PSMD2: variants seen among roughly 807,000 people sequenced by gnomAD.
The protein encoded by PSMD2 is 26S proteasome non-ATPase regulatory subunit 2.
In PSMD2, 8 loss-of-function variants were observed where a neutral mutation model predicts 101.5. The ratio of observed to expected loss-of-function variants is 0.08; its 90% CI spans 0.05 to 0.14. PSMD2 has a LOEUF of 0.14. Among genes scored for constraint, PSMD2 ranks in the 10% least tolerant of loss-of-function variants. PSMD2 has a pLI of 1.00. For synonymous variants in PSMD2, 418 were observed against 433.8 expected, an observed-to-expected ratio of 0.96 and a Z score of 0.45; for missense variants, 784 against 1,147.4, an observed-to-expected ratio of 0.68 and a Z score of 4.58.
chr3:184,300,311 T>G lies in PSMD2; in HGVS notation c.224T>G (p.Leu75Arg), dbSNP rs1387166632. Residue 75 changes from leucine to arginine, a missense_variant, in exon 3 of 21, where the codon CTG (leucine) becomes CGG (arginine). By Grantham distance (102) the Leu-to-Arg change is moderately radical (BLOSUM62 -2). Coordinates refer to ENST00000310118, the MANE Select transcript of PSMD2 (RefSeq NM_002808.5). Reference sequence around the variant, plus strand: ...GATACATCCCTGTATCGACCAGCGCTGGAGGAATTGCGAAGGCAGATTCGT... The same window carrying G: ...GATACATCCCTGTATCGACCAGCGCGGGAGGAATTGCGAAGGCAGATTCGT... ...EKDTSLYRPA[L>R]EELRRQIRSS... 1 of 1,614,000 alleles carries G rather than the reference T, an allele frequency of 6.2e-7. No homozygotes were observed. Among genetic ancestry groups the G allele is most frequent in the Non-Finnish European group, 8.5e-7 (1 of 1,179,868 alleles).
At position 184,305,782 on chromosome 3, in the gene PSMD2, A is replaced by T; in HGVS notation, c.1554A>T (p.Thr518=). The change falls in exon 13 of 21, where the codon ACA becomes ACT. Residue 518 remains threonine (T), a synonymous_variant. Transcript: ENST00000310118. Reference sequence around the variant, plus strand: ...CCTACCTCTAGGTGGCAGGTGTCACAGCTTTAGCCTGTGGAATGATAGCAG... The same window carrying T: ...CCTACCTCTAGGTGGCAGGTGTCACTGCTTTAGCCTGTGGAATGATAGCAG... The part of the protein sequence containing the change: ...SKSSMEVAGV[T]ALACGMIAVG... The T allele has an allele frequency of 6.2e-7, 1 of 1,613,688 alleles. No homozygotes were observed. Among genetic ancestry groups the T allele is most frequent in the African/African-American group, 1.3e-5 (1 of 75,048 alleles).
In PSMD2 at chr3:184,309,029, CAATAAA is replaced by C. The variant is rs1560197990; in HGVS notation, c.*140_*145del. On this transcript the variant is annotated 3_prime_UTR_variant, in exon 21 of 21. Coordinates refer to ENST00000310118, the MANE Select transcript of PSMD2 (RefSeq NM_002808.5). ...TGTTACTGAGTGAGATAAGGTTGTT[CAATAAA>C]GACTTTTATCCCCAAGGTCTCTCTG... The C allele has an allele frequency of 2.2e-6, 2 of 906,300 alleles. No individual in the cohort carries two copies. The highest frequency in any genetic ancestry group is 3.3e-6 in the Non-Finnish European group (2 of 598,822). The allele number at this position is 906,300 out of a possible 1,614,324, so 56.1% of individuals were successfully genotyped here. A position where few individuals can be genotyped will look rare whatever the true frequency, so the allele number is the denominator to read the frequency against.
At position 184,304,291 on chromosome 3, in the gene PSMD2, A is replaced by C; in HGVS notation, c.1452-13A>C. 1 of 1,613,894 alleles carries C rather than the reference A, an allele frequency of 6.2e-7. No individual in the cohort carries two copies. The highest frequency in any genetic ancestry group is 8.5e-7 in the Non-Finnish European group (1 of 1,179,806). On this transcript the variant is annotated splice_polypyrimidine_tract_variant and intron_variant, in intron 11 of 20. Coordinates refer to ENST00000310118, the MANE Select transcript of PSMD2 (RefSeq NM_002808.5). This position sits in a 1 kb window ranked among gnomAD's most constrained non-coding sequence, Gnocchi z 4.1. ...GGTATGTGTTGGGGACCGCCTTTCCATGGCTTTTGCAGGCTAGGCTTGGCT... is the reference window on the plus strand; with the variant it reads ...GGTATGTGTTGGGGACCGCCTTTCCCTGGCTTTTGCAGGCTAGGCTTGGCT...
At chr3:184,302,256 G>A in intron 5 of PSMD2, 114 bp from the exon 6 acceptor site, 1 of 1,241,240 alleles carries the variant, frequency 8.1e-7, no homozygotes, top group Non-Finnish European at 1.1e-6. Context: ...CTAACATCTA[G>A]CACAGTGCCT....
chr3:184,306,595 T>C (rs1472277093), intron 15 of PSMD2, 100 bp downstream of exon 15: 1 of 1,544,970 alleles, frequency 6.5e-7, no homozygotes, highest in Admixed American at 2.0e-5. Flanking sequence ...CTCTGGGTAT[T>C]GCCATGTATT....
In PSMD2 at chr3:184,308,057, C is replaced by T. The variant is rs1464252268; in HGVS notation, c.2425+41C>T. ...AAATTTTATATCATAGCATGCAGGG[C>T]TCTGACTCCACCCTTTCCAGGGCCA... On this transcript the variant is annotated intron_variant, in intron 19 of 20. Transcript: ENST00000310118. This position sits in a 1 kb window ranked among gnomAD's most constrained non-coding sequence, Gnocchi z 6.0. 2.5e-6 allele frequency: 4 copies of T among 1,609,534 alleles called. No individual in the cohort carries two copies. The highest frequency in any genetic ancestry group is 3.4e-6 in the Non-Finnish European group (4 of 1,178,658).
chr3:184,300,484 AT>A, intron 3 of PSMD2, 40 bp downstream of exon 3: 2 of 1,597,298 alleles, frequency 1.3e-6, no homozygotes, highest in Non-Finnish European at 1.7e-6. Context: ...TAGTTTAGGA[AT>A]TCCTTTTTAC....
intron 7 of PSMD2, 62 bp from the exon 8 acceptor site, chr3:184,302,940 A>G: frequency 6.2e-7 from 1 of 1,608,698 alleles, no homozygotes; most frequent in Non-Finnish European, 8.5e-7. Flanking sequence ...TCAGTGGGAT[A>G]GCAGAAGGGA....
chr3:184,303,111 C>G, intron 8 of PSMD2, 49 bp downstream of exon 8: 1 of 1,587,540 alleles, frequency 6.3e-7, no homozygotes, highest in Non-Finnish European at 8.6e-7. Context: ...TAGGTATGCC[C>G]CTTGTATTGG....
In PSMD2 at chr3:184,304,087, G is replaced by A. The variant is rs372122447; in HGVS notation, c.1451+13G>A. The A allele has an allele frequency of 3.5e-5, 56 of 1,613,570 alleles. No individual in the cohort carries two copies. Among genetic ancestry groups the A allele is most frequent in the Admixed American group, 5.0e-5 (3 of 59,990 alleles). On this transcript the variant is annotated intron_variant, in intron 11 of 20. Transcript: ENST00000310118. The surrounding 1 kb of genome is among the most constrained non-coding windows in gnomAD (Gnocchi z 4.1). Reference sequence around the variant, plus strand: ...GTTCCATCTTTGGGTAAGGTTCCTCGCTTGTCTTTCTGGTAGTGCTCAGCC... The same window carrying A: ...GTTCCATCTTTGGGTAAGGTTCCTCACTTGTCTTTCTGGTAGTGCTCAGCC...
chr3:184,304,256 T>C lies in PSMD2; in HGVS notation c.1452-48T>C, dbSNP rs746504180. The C allele has an allele frequency of 6.3e-7, 1 of 1,585,814 alleles. No individual in the cohort carries two copies. Among genetic ancestry groups the C allele is most frequent in the African/African-American group, 1.3e-5 (1 of 74,412 alleles). On this transcript the variant is annotated intron_variant, in intron 11 of 20. Transcript: ENST00000310118. This position sits in a 1 kb window ranked among gnomAD's most constrained non-coding sequence, Gnocchi z 4.1. ...GATTCTCCTTTTGTTCTTTTCTTGC[T>C]GCATCGTTGGGTATGTGTTGGGGAC...
In PSMD2 at chr3:184,300,418, G is replaced by A. The variant is rs940815890; in HGVS notation, c.331G>A (p.Glu111Lys). 3.7e-5 allele frequency: 60 copies of A among 1,613,988 alleles called. No individual in the cohort carries two copies. Among genetic ancestry groups the A allele is most frequent in the Admixed American group, 2.3e-4 (14 of 59,992 alleles). ...CTATGGCAAACTGAAGGAAATCTAT[G>A]AGAACATGGCCCCTGGGGAGAATAA... ...PHYGKLKEIY[E>K]NMAPGENKRF... The change falls in exon 3 of 21, where the codon GAG (glutamate) becomes AAG (lysine). Residue 111 changes from glutamate to lysine, a missense_variant. Glu to Lys is a moderately conservative substitution (Grantham distance 56). Transcript: ENST00000310118.
chr3:184,299,375 G>T lies in PSMD2; in HGVS notation c.109G>T (p.Gly37Trp). The T allele has an allele frequency of 7.1e-7, 1 of 1,400,550 alleles. No individual in the cohort carries two copies. The highest frequency in any genetic ancestry group is 1.5e-5 in the South Asian group (1 of 66,642). The allele number at this position is 1,400,550 out of a possible 1,614,324, so 86.8% of individuals were successfully genotyped here. A position where few individuals can be genotyped will look rare whatever the true frequency, so the allele number is the denominator to read the frequency against. The change falls in exon 1 of 21, where the codon GGG becomes TGG. Residue 37 changes from glycine (G) to tryptophan (W), a missense_variant. By Grantham distance (184) the Gly-to-Trp change is radical. Around this residue, in one of 6 missense-constraint regions of PSMD2, gnomAD observed 196 missense variants for 182.4 expected, o/e 1.07. Transcript: ENST00000310118. ...GAGCGGCAAGGAGCGGCGGGATGCC[G>T]GGGACAAGGACAAAGAACAGGAGCT... Reference protein sequence around the residue: ...KPSGKERRDAGDKDKEQELSE... With the variant: ...KPSGKERRDAWDKDKEQELSE...
intron 1 of PSMD2, 31 bp from the exon 2 acceptor site, chr3:184,299,820 T>C: frequency 6.3e-7 from 1 of 1,592,926 alleles, no homozygotes; most frequent in Non-Finnish European, 8.6e-7. Flanking sequence ...GGATTCCTTC[T>C]CTTCATGAGC....
In PSMD2 at chr3:184,302,835, C is replaced by CT. The variant is rs1210755047; in HGVS notation, c.1008+18dup. Reference sequence around the variant, plus strand: ...CCTTAGCTCGGGAGGTGAGACTGCCCTTTTTTCATCAAGGCCTTTTCGTCA... The same window carrying CT: ...CCTTAGCTCGGGAGGTGAGACTGCCCTTTTTTTCATCAAGGCCTTTTCGTCA... On this transcript the variant is annotated intron_variant, in intron 7 of 20. Transcript: ENST00000310118. 2 of 1,614,028 alleles carry CT rather than the reference C, an allele frequency of 1.2e-6. No homozygotes were observed. Among genetic ancestry groups the CT allele is most frequent in the Non-Finnish European group, 1.7e-6 (2 of 1,179,980 alleles).
chr3:184,303,876 G>A (rs1307198625), intron 10 of PSMD2, 71 bp from the exon 11 acceptor site: 7 of 1,610,586 alleles, frequency 4.3e-6, no homozygotes, highest in Non-Finnish European at 5.9e-6. Context: ...GCTGCAGTGA[G>A]GCCCATGTTG....
chr3:184,300,804 G>A (rs1721615937), intron 3 of PSMD2: 1 of 397,022 alleles, frequency 2.5e-6, no homozygotes, highest in African/African-American at 2.2e-5. Flanking sequence ...TCCTGGAAAT[G>A]TTCAGTTTTT....
chr3:184,304,072 T>G lies in PSMD2; in HGVS notation c.1449T>G (p.Phe483Leu). Residue 483 changes from phenylalanine (F) to leucine (L), a missense_variant and splice_region_variant, in exon 11 of 21, where the codon TTT (phenylalanine) becomes TTG (leucine). Coordinates refer to ENST00000310118, the MANE Select transcript of PSMD2 (RefSeq NM_002808.5). This position sits in a 1 kb window ranked among gnomAD's most constrained non-coding sequence, Gnocchi z 4.1. ...NSNTMRLGSI[F>L]GLGLAYAGSN... ...ACACCATGAGACTTGGTTCCATCTTTGGGTAAGGTTCCTCGCTTGTCTTTC... is the reference window on the plus strand; with the variant it reads ...ACACCATGAGACTTGGTTCCATCTTGGGGTAAGGTTCCTCGCTTGTCTTTC... The G allele has an allele frequency of 6.2e-7, 1 of 1,614,092 alleles. No individual in the cohort carries two copies. The highest frequency in any genetic ancestry group is 8.5e-7 in the Non-Finnish European group (1 of 1,180,020).
intron 15 of PSMD2, 86 bp downstream of exon 15, chr3:184,306,581 G>A: frequency 1.9e-6 from 3 of 1,556,704 alleles, no homozygotes; most frequent in South Asian, 1.2e-5. Flanking sequence ...TTGCTTTAGG[G>A]CCTCTCTGGG....
Sources: allele counts gnomAD v4.1 joint callset, GRCh38; gene constraint gnomAD v4.1.1; regional missense constraint gnomAD v4.1.1; non-coding constraint Gnocchi (gnomAD v3.1); transcripts MANE v1.5; gene names NCBI Gene and HGNC (gene_info 2026-07-23, HGNC 2026-07-21).